Variants in CDC42EP4 observed in about 807,000 individuals in gnomAD.
The protein encoded by CDC42EP4 is CDC42 effector protein 4, also known as CDC42 effector protein (Rho GTPase binding) 4.
In CDC42EP4, 6 loss-of-function variants were observed where a neutral mutation model predicts 5.6. The ratio of observed to expected loss-of-function variants is 1.07; its 90% CI spans 0.59 to 2.12. The LOEUF (loss-of-function observed/expected upper bound fraction) is 2.12. Ranked by LOEUF, CDC42EP4 falls within the 30% of genes most tolerant of loss-of-function variation. The pLI is 0.00. For missense variants in CDC42EP4, 490 were observed against 508.6 expected (o/e 0.96, Z 0.35); for synonymous variants, 230 against 224.2 (o/e 1.03, Z -0.23).
chr17:73,291,147 G>A (rs2145311039), intron 1 of CDC42EP4, among the ~76,000 whole-genome samples: 1 of 152,306 alleles, frequency 6.6e-6, no homozygotes, highest in South Asian at 2.1e-4. Context: ...GACAGGGACA[G>A]GTCTACCCAG....
chr17:73,305,099 G>T (rs2062238223), intron 1 of CDC42EP4, among the ~76,000 whole-genome samples: 1 of 152,206 alleles, frequency 6.6e-6, no homozygotes. Context: ...AGAAAAAGGA[G>T]CCAAGACTAG....
intron 1 of CDC42EP4, chr17:73,309,732 A>C (rs565906993): frequency 6.6e-6 from 1 of 152,574 alleles, no homozygotes; most frequent in Admixed American, 6.5e-5. Flanking sequence ...GGGAGATTTC[A>C]GAGGGGAGGC....
chr17:73,304,837 T>C (rs1482726410), intron 1 of CDC42EP4, among the ~76,000 whole-genome samples: 14 of 152,298 alleles, frequency 9.2e-5, no homozygotes, highest in East Asian at 1.9e-4. Context: ...AGGGAACTTA[T>C]AGATTAATCC....
chr17:73,285,323 A>C lies in CDC42EP4; in HGVS notation c.*107T>G. 1 of 897,620 alleles carries C rather than the reference A, an allele frequency of 1.1e-6. No homozygotes were observed. Among genetic ancestry groups the C allele is most frequent in the Middle Eastern group, 2.5e-4 (1 of 4,044 alleles). 55.6% of individuals were successfully genotyped at this position (897,620 alleles called of 1,614,324 possible). A position where few individuals can be genotyped will look rare whatever the true frequency, so the allele number is the denominator to read the frequency against. ...TACAAGGTCCAGGGTCCATGGTCTG[A>C]ATCAAGGGTCCTGGCTGCCCCTGCG... is the stretch of plus-strand genomic sequence containing the variant. On this transcript the variant is annotated 3_prime_UTR_variant, in exon 2 of 2. Transcript: ENST00000335793. The surrounding 1 kb of genome is among the most constrained non-coding windows in gnomAD (Gnocchi z 6.8).
In CDC42EP4 at chr17:73,286,633, G is replaced by A; in HGVS notation, c.-112-21C>T. The A allele has an allele frequency of 1.5e-6, 1 of 673,938 alleles. No individual in the cohort carries two copies. Among genetic ancestry groups the A allele is most frequent in the Non-Finnish European group, 2.5e-6 (1 of 404,970 alleles). The allele number at this position is 673,938 out of a possible 1,614,324, so 41.7% of individuals were successfully genotyped here. ...TAAGGCTGCAAGCAGAGAATGAGAG[G>A]CAAAGGATTAACGCGGGCTGGCCAC... On this transcript the variant is annotated intron_variant, in intron 1 of 1. Transcript: ENST00000335793. This position sits in a 1 kb window ranked among gnomAD's most constrained non-coding sequence, Gnocchi z 7.7.
intron 1 of CDC42EP4, among the ~76,000 whole-genome samples, chr17:73,287,858 C>T (rs989028597): frequency 3.9e-5 from 6 of 152,178 alleles, no homozygotes; most frequent in African/African-American, 1.4e-4. Context: ...CCACCTGGCC[C>T]CTGACATCAG....
intron 1 of CDC42EP4, among the ~76,000 whole-genome samples, chr17:73,309,326 T>C (rs1432974671): frequency 6.6e-6 from 1 of 152,028 alleles, no homozygotes; most frequent in Non-Finnish European, 1.5e-5. Flanking sequence ...ACAACCTGGG[T>C]GACAGAGCAA....
intron 1 of CDC42EP4, among the ~76,000 whole-genome samples, chr17:73,303,218 C>A (rs575008619): frequency 6.6e-6 from 1 of 151,856 alleles, no homozygotes; most frequent in Non-Finnish European, 1.5e-5. Flanking sequence ...TGGCGCATGC[C>A]TGTAATCCTA....
chr17:73,303,436 T>C (rs2062229475), intron 1 of CDC42EP4, among the ~76,000 whole-genome samples: 1 of 151,972 alleles, frequency 6.6e-6, no homozygotes, highest in Non-Finnish European at 1.5e-5. Flanking sequence ...CCGAGGAGTA[T>C]GGATCACTTG....
chr17:73,299,069 G>A (rs559585353), intron 1 of CDC42EP4, among the ~76,000 whole-genome samples: 1 of 151,302 alleles, frequency 6.6e-6, no homozygotes, highest in East Asian at 2.0e-4. Flanking sequence ...GATCCTCCCC[G>A]GCCTCAGTCT....
At chr17:73,301,392 G>A (rs950173241) in intron 1 of CDC42EP4, among the ~76,000 whole-genome samples, 2 of 152,162 alleles carry the variant, frequency 1.3e-5, no homozygotes, top group African/African-American at 4.8e-5. Flanking sequence ...GTTCACAGCT[G>A]GGTCAAAATA....
At position 73,309,178 on chromosome 17, in the gene CDC42EP4, C is replaced by T. The variant is rs530317918; in HGVS notation, c.-113+2715G>A. On this transcript the variant is annotated intron_variant, in intron 1 of 1. Transcript: ENST00000335793. Reference sequence around the variant, plus strand: ...GCCTGGGCAACATGGTGAAACCCCACCTCTACAAAAAATACAAAAAATGGC... The same window carrying T: ...GCCTGGGCAACATGGTGAAACCCCATCTCTACAAAAAATACAAAAAATGGC... Among the ~76,000 whole-genome samples the T allele has an allele frequency of 6.0e-4, 91 of 151,506 alleles. 1 individual carries two copies. The highest frequency in any genetic ancestry group is 1.2e-3 in the Non-Finnish European group (81 of 67,886).
At chr17:73,292,238 G>A (rs2062164909) in intron 1 of CDC42EP4, among the ~76,000 whole-genome samples, 3 of 152,248 alleles carry the variant, frequency 2.0e-5, no homozygotes, top group Non-Finnish European at 4.4e-5. Context: ...GCCCTCTGCA[G>A]GGCCTTCCCC....
chr17:73,296,705 G>A (rs913658148), intron 1 of CDC42EP4, among the ~76,000 whole-genome samples: 1 of 151,116 alleles, frequency 6.6e-6, no homozygotes, highest in Non-Finnish European at 1.5e-5. Context: ...ATACACGGCT[G>A]GGCACGGTGG....
At chr17:73,293,898 G>A (rs933279805) in intron 1 of CDC42EP4, among the ~76,000 whole-genome samples, 7 of 152,280 alleles carry the variant, frequency 4.6e-5, no homozygotes, top group African/African-American at 1.2e-4. Flanking sequence ...CTTCAATGCC[G>A]ACTGTGTTGT....
chr17:73,303,303 C>T (rs1263327301), intron 1 of CDC42EP4, among the ~76,000 whole-genome samples: 2 of 151,758 alleles, frequency 1.3e-5, no homozygotes, highest in African/African-American at 2.4e-5. Context: ...AGATCGCACC[C>T]TTACACTCCA....
intron 1 of CDC42EP4, chr17:73,310,774 C>T (rs899583623): frequency 6.5e-6 from 1 of 153,850 alleles, no homozygotes; most frequent in African/African-American, 2.4e-5. Context: ...CACACACACA[C>T]ACACACACAC....
At chr17:73,289,719 A>C (rs141981634) in intron 1 of CDC42EP4, among the ~76,000 whole-genome samples, 3 of 65,886 alleles carry the variant, frequency 4.6e-5, no homozygotes, top group Non-Finnish European at 6.7e-5. Flanking sequence ...AGAAAACAGG[A>C]AGGGAGGAAG....
intron 1 of CDC42EP4, among the ~76,000 whole-genome samples, chr17:73,289,031 G>A (rs1030336341): frequency 3.9e-5 from 6 of 152,120 alleles, no homozygotes; most frequent in Non-Finnish European, 8.8e-5. Flanking sequence ...CTCTAACTTG[G>A]ATTATCTCTG....
Sources: gnomAD v4.1 joint callset for allele counts (sites outside exome capture counted in the v4.1 genomes callset) on GRCh38, gnomAD v4.1.1 for gene constraint, Gnocchi (gnomAD v3.1) non-coding constraint, MANE v1.5 for transcripts, NCBI Gene and HGNC (gene_info 2026-07-23, HGNC 2026-07-21) for gene names.